The following SORCS3 variants were observed in gnomAD, a reference collection of about 807,000 sequenced individuals.
SORCS3 encodes VPS10 domain-containing receptor SorCS3.
A neutral mutation model predicts 146.3 loss-of-function variants in SORCS3; 57 were observed. That is an observed-to-expected ratio of 0.39 (90% CI 0.31 to 0.49). The LOEUF (loss-of-function observed/expected upper bound fraction) is 0.49. Ranked by LOEUF, SORCS3 falls within the 20% of genes least tolerant of loss-of-function variation. The pLI, the probability that SORCS3 is intolerant of heterozygous loss-of-function variation, is 0.92. For missense variants in SORCS3, 1,341 were observed against 1,575.5 expected, an observed-to-expected ratio of 0.85 and a Z score of 2.52; for synonymous variants, 653 against 618.5, an observed-to-expected ratio of 1.06 and a Z score of -0.83.
chr10:104,665,170 G>A (rs1483166784), intron 1 of SORCS3: 1 of 152,262 alleles, frequency 6.6e-6, no homozygotes, highest in East Asian at 1.9e-4. Context: ...CTCTATGCAT[G>A]TATCAGTATG....
chr10:105,229,819 C>T (rs1191452662), intron 20 of SORCS3, among the ~76,000 whole-genome samples: 1 of 152,138 alleles, frequency 6.6e-6, no homozygotes, highest in Non-Finnish European at 1.5e-5. Context: ...GGCCCAACTG[C>T]ACTGATTCCT....
At chr10:104,744,494 C>G (rs1480103765) in intron 1 of SORCS3, among the ~76,000 whole-genome samples, 1 of 152,192 alleles carries the variant, frequency 6.6e-6, no homozygotes, top group Non-Finnish European at 1.5e-5. Flanking sequence ...GTATAATCCT[C>G]ACAACAATCC....
intron 3 of SORCS3, among the ~76,000 whole-genome samples, chr10:104,965,905 G>T (rs906680124): frequency 3.3e-5 from 5 of 152,118 alleles, no homozygotes; most frequent in Non-Finnish European, 5.9e-5. Flanking sequence ...GGGTGGAAAG[G>T]TGGGGAGTCT....
chr10:104,934,524 G>C (rs1461821604), intron 3 of SORCS3, among the ~76,000 whole-genome samples: 1 of 152,152 alleles, frequency 6.6e-6, no homozygotes, highest in Admixed American at 6.5e-5. Flanking sequence ...TAAAAGTTGT[G>C]TATTTACTGA....
chr10:104,957,775 C>T (rs2019510930), intron 3 of SORCS3, among the ~76,000 whole-genome samples: 1 of 152,060 alleles, frequency 6.6e-6, no homozygotes, highest in Non-Finnish European at 1.5e-5. Context: ...CCCTGCCTGT[C>T]TGGGGACCAC....
intron 15 of SORCS3, 103 bp downstream of exon 15, chr10:105,200,219 T>C (rs2056566584): frequency 1.2e-6 from 1 of 850,940 alleles, no homozygotes; most frequent in Non-Finnish European, 1.9e-6. Context: ...AGGAAGGTAG[T>C]GGGTCATCTG....
At chr10:104,887,962 G>GT (rs1564706316) in intron 2 of SORCS3, among the ~76,000 whole-genome samples, 3 of 126,548 alleles carry the variant, frequency 2.4e-5, no homozygotes, top group Non-Finnish European at 4.9e-5. Context: ...GTGGGGGCGG[G>GT]GGGGCGGGGG....
chr10:105,102,092 T>G (rs2055788922), intron 6 of SORCS3, among the ~76,000 whole-genome samples: 1 of 152,188 alleles, frequency 6.6e-6, no homozygotes, highest in African/African-American at 2.4e-5. Flanking sequence ...GCATACAGGC[T>G]GTCCTTAAAG....
chr10:105,245,840 G>A (rs962683467), intron 21 of SORCS3, among the ~76,000 whole-genome samples, 175 bp downstream of exon 21: 9 of 152,166 alleles, frequency 5.9e-5, no homozygotes, highest in African/African-American at 1.9e-4. Context: ...TATAAGAGAC[G>A]TATACCACAA....
chr10:104,949,689 C>T (rs951212513), intron 3 of SORCS3, among the ~76,000 whole-genome samples: 3 of 152,148 alleles, frequency 2.0e-5, no homozygotes, highest in African/African-American at 7.2e-5. Flanking sequence ...GAACCAAGTG[C>T]ATGCTTAAGT....
Position 105,142,432 on chromosome 10 carries a change from C to G in SORCS3, c.1302+2946C>G, listed in dbSNP as rs191019473. On this transcript the variant is annotated intron_variant, in intron 8 of 26. Coordinates refer to ENST00000369701, the MANE Select transcript of SORCS3 (RefSeq NM_014978.3). ...CATTCTTTTTCTCATACGTGATTTG[C>G]TAAAATGTTGTCCTGCTGGCCAATC... is the stretch of plus-strand genomic sequence containing the variant. Among the ~76,000 whole-genome samples the G allele has an allele frequency of 2.6e-5, 4 of 152,256 alleles. No individual in the cohort carries two copies. In the East Asian group the frequency reaches 7.7e-4, roughly 29 times the overall value.
rs1372005783 is a variant in SORCS3, at chr10:105,020,767, AT to A, written c.955-22285del. Among the ~76,000 whole-genome samples the A allele has an allele frequency of 3.3e-5, 5 of 152,274 alleles. No individual in the cohort carries two copies. In the East Asian group the frequency reaches 9.7e-4, roughly 29 times the overall value. On this transcript the variant is annotated intron_variant, in intron 4 of 26. Transcript: ENST00000369701. ...GTACCTGATTCTCACCGTCACCTCC[AT>A]TTACCTTATGCTGTGCTGTTACTGT... is the stretch of plus-strand genomic sequence containing the variant.
chr10:105,050,258 G>A (rs1289951600), intron 5 of SORCS3, among the ~76,000 whole-genome samples: 1 of 152,206 alleles, frequency 6.6e-6, no homozygotes, highest in Admixed American at 6.6e-5. Context: ...CTCTTCTTGA[G>A]TATAGACTGG....
intron 2 of SORCS3, among the ~76,000 whole-genome samples, chr10:104,866,339 C>T (rs1017007353): frequency 2.6e-5 from 4 of 152,068 alleles, no homozygotes; most frequent in African/African-American, 9.7e-5. Flanking sequence ...GTTGACTATC[C>T]TTAAAGAACA....
intron 2 of SORCS3, among the ~76,000 whole-genome samples, chr10:104,873,640 A>C (rs1001069488): frequency 1.3e-5 from 2 of 152,158 alleles, no homozygotes; most frequent in African/African-American, 4.8e-5. Context: ...TCTCATTTTT[A>C]TTATAATTGT....
intron 14 of SORCS3, among the ~76,000 whole-genome samples, chr10:105,181,462 T>C (rs1399677761): frequency 6.6e-6 from 1 of 152,130 alleles, no homozygotes; most frequent in East Asian, 1.9e-4. Context: ...AGGAGCTTAC[T>C]GGGAATGATT....
At chr10:105,214,672 G>A in intron 18 of SORCS3, 59 bp downstream of exon 18, 3 of 1,452,280 alleles carry the variant, frequency 2.1e-6, no homozygotes, top group Non-Finnish European at 2.8e-6. Flanking sequence ...TCCCAGAAGG[G>A]AAGAAGAAGA....
chr10:105,245,993 A>T (rs538254282), intron 21 of SORCS3, among the ~76,000 whole-genome samples: 1 of 152,300 alleles, frequency 6.6e-6, no homozygotes, highest in East Asian at 1.9e-4. Context: ...TCTTTGTGAG[A>T]TGAGGACCAG....
At chr10:104,934,902 T>C (rs945767768) in intron 3 of SORCS3, among the ~76,000 whole-genome samples, 15 of 152,354 alleles carry the variant, frequency 9.8e-5, no homozygotes, top group African/African-American at 3.6e-4. Context: ...GTGGTGATTT[T>C]AGCAGTGAGT....
Sources: allele counts gnomAD v4.1 joint callset (sites outside exome capture counted in the v4.1 genomes callset), GRCh38; gene constraint gnomAD v4.1.1; transcripts MANE v1.5; gene names NCBI Gene and HGNC (gene_info 2026-07-23, HGNC 2026-07-21).